Variants in PAK5 observed in about 807,000 individuals in gnomAD.
PAK5 encodes the protein p21 (RAC1) activated kinase 5.
A neutral mutation model predicts 65.9 loss-of-function variants in PAK5; 16 were observed. The observed-to-expected ratio is 0.24, with a 90% CI of 0.16 to 0.37. The LOEUF (loss-of-function observed/expected upper bound fraction) is 0.37, where lower values mean the gene tolerates loss of function less well. Ranked by LOEUF, PAK5 falls within the 10% of genes least tolerant of loss-of-function variation. The probability of loss-of-function intolerance (pLI) is 1.00; values close to 1 mark genes in which losing one functional copy is unlikely to be tolerated. For missense variants in PAK5, 785 were observed against 903.9 expected (o/e 0.87, Z 1.69); for synonymous variants, 371 against 354.9 (o/e 1.05, Z -0.51).
At chr20:9,573,094 T>A (rs1161112397) in intron 4 of PAK5, among the ~76,000 whole-genome samples, 1 of 144,130 alleles carries the variant, frequency 6.9e-6, no homozygotes, top group Admixed American at 6.7e-5. Flanking sequence ...GATTGTGATT[T>A]CCTCTTTTTT....
chr20:9,546,068 AT>A (rs1392425292), intron 7 of PAK5, among the ~76,000 whole-genome samples: 6 of 152,226 alleles, frequency 3.9e-5, no homozygotes, highest in Admixed American at 6.5e-5. Context: ...GAACAAGTGC[AT>A]TAATATATTA....
chr20:9,686,423 C>G lies in PAK5; in HGVS notation c.-12+24863G>C, dbSNP rs898236520. On this transcript the variant is annotated intron_variant, in intron 2 of 9. Coordinates refer to ENST00000353224, the MANE Select transcript of PAK5 (RefSeq NM_177990.4). ...GTTTTGTTTTATTTTGAGACAGGCTCTTGCTCTGTCACCCCAGGCAGGAGT... is the reference window on the plus strand; with the variant it reads ...GTTTTGTTTTATTTTGAGACAGGCTGTTGCTCTGTCACCCCAGGCAGGAGT... Among the ~76,000 whole-genome samples, 11 of 152,134 alleles carry G rather than the reference C, an allele frequency of 7.2e-5. 1 individual carries two copies. Among genetic ancestry groups the G allele is most frequent in the African/African-American group, 2.7e-4 (11 of 41,432 alleles).
intron 1 of PAK5, among the ~76,000 whole-genome samples, chr20:9,831,547 G>T (rs767066070): frequency 6.6e-6 from 1 of 151,960 alleles, no homozygotes; most frequent in Non-Finnish European, 1.5e-5. Flanking sequence ...TCACTCTGTC[G>T]CCCAGGCTGG....
At chr20:9,706,920 A>T (rs1337443860) in intron 2 of PAK5, among the ~76,000 whole-genome samples, 1 of 151,786 alleles carries the variant, frequency 6.6e-6, no homozygotes, top group Non-Finnish European at 1.5e-5. Context: ...TCATCTTCCC[A>T]TTTGTCTGTC....
intron 3 of PAK5, among the ~76,000 whole-genome samples, chr20:9,597,612 A>T (rs1347621901): frequency 6.6e-6 from 1 of 152,172 alleles, no homozygotes; most frequent in Non-Finnish European, 1.5e-5. Flanking sequence ...ACCTCCTCCC[A>T]TCAGGAGATG....
rs540924371 is a variant in PAK5, at chr20:9,562,500, C to A, written c.1616+391G>T. ...TTTTGATACAAAACTTCAAGTGATC[C>A]TCTCCCTGTCCCTTCCTTCCCCTGG... On this transcript the variant is annotated intron_variant, in intron 6 of 9. Transcript: ENST00000353224. 4.5e-4 allele frequency among the ~76,000 whole-genome samples: 68 copies of A among 152,324 alleles called. No homozygotes were observed. In the Middle Eastern group the frequency reaches 0.01, roughly 23 times the overall value.
At chr20:9,737,472 G>A (rs2048402347) in intron 1 of PAK5, among the ~76,000 whole-genome samples, 1 of 152,096 alleles carries the variant, frequency 6.6e-6, no homozygotes, top group African/African-American at 2.4e-5. Context: ...CCTAAAAACA[G>A]AGTTTCAAAA....
intron 3 of PAK5, among the ~76,000 whole-genome samples, chr20:9,615,438 A>C (rs2046637844): frequency 6.6e-6 from 1 of 152,150 alleles, no homozygotes. Context: ...GCATATGGAA[A>C]TCTCTGTACT....
intron 2 of PAK5, among the ~76,000 whole-genome samples, chr20:9,674,154 G>A (rs6056795): frequency 0.048 from 7,322 of 152,240 alleles, 567 homozygotes; most frequent in African/African-American, 0.17. Context: ...GAATGAGAAT[G>A]GCACGGCCTT....
chr20:9,754,177 G>A (rs2048607143), intron 1 of PAK5, among the ~76,000 whole-genome samples: 1 of 152,138 alleles, frequency 6.6e-6, no homozygotes. Flanking sequence ...TAATGTAACT[G>A]CCCAGTGAGT....
chr20:9,607,761 G>A (rs1291819755), intron 3 of PAK5, among the ~76,000 whole-genome samples: 1 of 151,990 alleles, frequency 6.6e-6, no homozygotes, highest in Non-Finnish European at 1.5e-5. Context: ...GGGAGGTTGA[G>A]GCTACAGTGA....
chr20:9,628,778 T>C (rs6056764), intron 3 of PAK5, among the ~76,000 whole-genome samples: 1 of 152,064 alleles, frequency 6.6e-6, no homozygotes, highest in African/African-American at 2.4e-5. Flanking sequence ...CATGCTGAAG[T>C]TTCCCTGAGT....
At chr20:9,634,600 A>T (rs926144294) in intron 3 of PAK5, among the ~76,000 whole-genome samples, 1 of 152,222 alleles carries the variant, frequency 6.6e-6, no homozygotes, top group African/African-American at 2.4e-5. Flanking sequence ...CATGGTGCAC[A>T]TCAAAAAATA....
At chr20:9,676,239 G>A (rs913282523) in intron 2 of PAK5, among the ~76,000 whole-genome samples, 6 of 152,014 alleles carry the variant, frequency 3.9e-5, no homozygotes, top group East Asian at 3.9e-4. Flanking sequence ...ACCTCCCACC[G>A]AGTCCCTCCC....
At chr20:9,779,894 A>T (rs1285377610) in intron 1 of PAK5, among the ~76,000 whole-genome samples, 1 of 152,098 alleles carries the variant, frequency 6.6e-6, no homozygotes, top group African/African-American at 2.4e-5. Flanking sequence ...CACAAAAAGC[A>T]TAAATCTTGA....
At chr20:9,803,052 AG>A (rs1330561279) in intron 1 of PAK5, among the ~76,000 whole-genome samples, 1 of 151,386 alleles carries the variant, frequency 6.6e-6, no homozygotes, top group Admixed American at 6.6e-5. Flanking sequence ...AAATATTTCA[AG>A]TCAGAAAATC....
chr20:9,730,221 C>T (rs995498427), intron 1 of PAK5, among the ~76,000 whole-genome samples: 5 of 151,706 alleles, frequency 3.3e-5, no homozygotes, highest in African/African-American at 1.2e-4. Flanking sequence ...TTAGAAGTGA[C>T]AACCTATAAA....
At chr20:9,715,968 T>G (rs1436303193) in intron 1 of PAK5, among the ~76,000 whole-genome samples, 1 of 152,010 alleles carries the variant, frequency 6.6e-6, no homozygotes, top group Admixed American at 6.6e-5. Context: ...ATGGATGCAG[T>G]ACACCAACAT....
intron 1 of PAK5, among the ~76,000 whole-genome samples, chr20:9,757,878 T>A (rs937277178): frequency 1.4e-4 from 22 of 152,180 alleles, no homozygotes; most frequent in African/African-American, 5.3e-4. Flanking sequence ...CTCTTTATTA[T>A]CTCACACCAC....
Sources: gnomAD v4.1 joint callset for allele counts (sites outside exome capture counted in the v4.1 genomes callset) on GRCh38, gnomAD v4.1.1 for gene constraint, MANE v1.5 for transcripts, NCBI Gene and HGNC (gene_info 2026-07-23, HGNC 2026-07-21) for gene names.